DCDC1: variants seen among roughly 807,000 people sequenced by gnomAD.
DCDC1 encodes the protein doublecortin domain-containing protein 1.
A neutral mutation model predicts 178.3 loss-of-function variants in DCDC1; 200 were observed. The ratio of observed to expected loss-of-function variants is 1.12; its 90% confidence interval spans 1.00 to 1.26. The LOEUF is 1.26. DCDC1 is among the 50% of genes most tolerant of loss of function. The pLI, the probability that DCDC1 is intolerant of heterozygous loss-of-function variation, is 0.00. For missense variants in DCDC1, 1,983 were observed against 1,749.2 expected, an observed-to-expected ratio of 1.13 and a Z score of -2.38; for synonymous variants, 690 against 604.8, an observed-to-expected ratio of 1.14 and a Z score of -2.07.
intron 9 of DCDC1, among the ~76,000 whole-genome samples, chr11:31,157,364 A>T (rs975627915): frequency 1.0e-5 from 1 of 100,158 alleles, no homozygotes. Context: ...TCAAAAAAAA[A>T]AAAAAAAAAT....
At chr11:31,324,169 T>A (rs1949524310) in intron 3 of DCDC1, among the ~76,000 whole-genome samples, 1 of 152,058 alleles carries the variant, frequency 6.6e-6, no homozygotes. Flanking sequence ...ATATACTACA[T>A]AGAATATATT....
At chr11:30,886,765 T>TC (rs1413326193) in intron 36 of DCDC1, among the ~76,000 whole-genome samples, 1 of 151,876 alleles carries the variant, frequency 6.6e-6, no homozygotes, top group Non-Finnish European at 1.5e-5. Flanking sequence ...TTTTTTTTTT[T>TC]CTACTCCAAG....
chr11:31,045,456 T>C (rs1005110388), intron 20 of DCDC1, among the ~76,000 whole-genome samples: 1 of 152,018 alleles, frequency 6.6e-6, no homozygotes, highest in Non-Finnish European at 1.5e-5. Flanking sequence ...AGAAACAGAC[T>C]TCCAATGTAG....
chr11:31,100,956 T>C (rs537016525), intron 15 of DCDC1, among the ~76,000 whole-genome samples: 1 of 152,328 alleles, frequency 6.6e-6, no homozygotes, highest in African/African-American at 2.4e-5. Context: ...TTTAATCTTC[T>C]ATATTTTCTC....
chr11:31,287,308 G>C (rs1946906880), intron 7 of DCDC1, among the ~76,000 whole-genome samples: 1 of 151,712 alleles, frequency 6.6e-6, no homozygotes, highest in African/African-American at 2.4e-5. Context: ...ATTGGGTTGA[G>C]AGGCAAAGAT....
At chr11:31,001,644 C>A (rs1951586634) in intron 20 of DCDC1, among the ~76,000 whole-genome samples, 1 of 152,130 alleles carries the variant, frequency 6.6e-6, no homozygotes, top group African/African-American at 2.4e-5. Flanking sequence ...AACAGACAAA[C>A]CACTCTGTGT....
intron 10 of DCDC1, among the ~76,000 whole-genome samples, chr11:31,133,331 T>C (rs1962688952): frequency 6.6e-6 from 1 of 152,158 alleles, no homozygotes; most frequent in African/African-American, 2.4e-5. Flanking sequence ...AGGAACGTCA[T>C]CTAGGCATGT....
At chr11:30,876,878 C>T (rs1942182830) in intron 38 of DCDC1, among the ~76,000 whole-genome samples, 2 of 151,968 alleles carry the variant, frequency 1.3e-5, no homozygotes, top group African/African-American at 2.4e-5. Context: ...CTCTTGGCTC[C>T]CTTTCCAACG....
At position 31,255,294 on chromosome 11, in the gene DCDC1, A is replaced by AT. The variant is rs1220492157; in HGVS notation, c.1054+10212dup. Among the ~76,000 whole-genome samples, 12 of 151,896 alleles carry AT rather than the reference A, an allele frequency of 7.9e-5. No individual in the cohort carries two copies. The East Asian group carries it at 9.7e-4, about 12-fold the overall frequency. On this transcript the variant is annotated intron_variant, in intron 8 of 38. Coordinates refer to ENST00000684477, the MANE Select transcript of DCDC1 (RefSeq NM_001387274.1). ...ATACTTGTTTGAGTACCTGTTTTTA[A>AT]TTTTTTTTGCCTAAATATCTAGGAG...
At chr11:31,163,050 C>T (rs544221900) in intron 9 of DCDC1, among the ~76,000 whole-genome samples, 20 of 152,190 alleles carry the variant, frequency 1.3e-4, no homozygotes, top group East Asian at 9.6e-4. Flanking sequence ...TCTAATGTTC[C>T]GATGTCTTTA....
In DCDC1 at chr11:31,127,496, C is replaced by T. The variant is rs754630063; in HGVS notation, c.1458G>A (p.Thr486=). 23 of 702,366 alleles carry T rather than the reference C, an allele frequency of 3.3e-5. No homozygotes were observed. The highest frequency in any genetic ancestry group is 2.4e-4 in the East Asian group (9 of 37,274). The allele number at this position is 702,366 out of a possible 1,614,324, so 43.5% of individuals were successfully genotyped here. The change falls in exon 11 of 39, where the codon ACG becomes ACA. Residue 486 remains threonine (T), a synonymous_variant. Coordinates refer to ENST00000684477, the MANE Select transcript of DCDC1 (RefSeq NM_001387274.1). Reference sequence around the variant, plus strand: ...TAAGCTGCAGGCCTCCTGGGACAAGCGTGTTTGCTGGAAGGCTTTTAATGT... The same window carrying T: ...TAAGCTGCAGGCCTCCTGGGACAAGTGTGTTTGCTGGAAGGCTTTTAATGT... ...YQHIKSLPAN[T]LVPGGLQLKV... is the part of the protein sequence containing the mutation.
intron 38 of DCDC1, among the ~76,000 whole-genome samples, chr11:30,875,420 T>C (rs1424478178): frequency 6.6e-6 from 1 of 152,146 alleles, no homozygotes. Flanking sequence ...AGTCTAAATT[T>C]CCCATAACTG....
intron 9 of DCDC1, chr11:31,155,811 G>A (rs1965665107): frequency 6.6e-6 from 1 of 152,232 alleles, no homozygotes; most frequent in Admixed American, 6.5e-5. Flanking sequence ...CAAGGGAAGA[G>A]CATTCTAGGC....
intron 3 of DCDC1, chr11:31,314,661 C>T (rs962853686): frequency 4.6e-5 from 7 of 152,184 alleles, no homozygotes; most frequent in Admixed American, 4.6e-4. Flanking sequence ...CCAGGAATAG[C>T]TTAGCTTTCT....
intron 20 of DCDC1, among the ~76,000 whole-genome samples, chr11:31,016,573 G>A (rs1473213182): frequency 6.6e-6 from 1 of 152,114 alleles, no homozygotes; most frequent in Non-Finnish European, 1.5e-5. Flanking sequence ...CATCAAAGAA[G>A]GTTCAAATAT....
chr11:31,262,959 C>T, intron 8 of DCDC1: 1 of 1,387,958 alleles, frequency 7.2e-7, no homozygotes. Context: ...AAACAGAGGG[C>T]AAGGCATGCA....
chr11:31,163,391 TTA>T (rs1393367387), intron 9 of DCDC1, among the ~76,000 whole-genome samples: 1 of 152,180 alleles, frequency 6.6e-6, no homozygotes, highest in African/African-American at 2.4e-5. Context: ...CATTGATGTC[TTA>T]TATCAAAAAA....
intron 7 of DCDC1, among the ~76,000 whole-genome samples, chr11:31,270,369 G>C (rs960690261): frequency 6.6e-6 from 1 of 152,206 alleles, no homozygotes; most frequent in Non-Finnish European, 1.5e-5. Flanking sequence ...CAGCAAGGCT[G>C]AGATAGTTGC....
intron 20 of DCDC1, among the ~76,000 whole-genome samples, chr11:31,049,276 T>C (rs1412226933): frequency 6.6e-6 from 1 of 152,158 alleles, no homozygotes; most frequent in Non-Finnish European, 1.5e-5. Flanking sequence ...AACCTCATGA[T>C]CAATAAATTT....
Sources: gnomAD v4.1 joint callset for allele counts (sites outside exome capture counted in the v4.1 genomes callset) on GRCh38, gnomAD v4.1.1 for gene constraint, MANE v1.5 for transcripts, NCBI Gene and HGNC (gene_info 2026-07-23, HGNC 2026-07-21) for gene names.